RORC: variants seen among roughly 807,000 people sequenced by gnomAD.
The protein encoded by RORC is RAR related orphan receptor C.
In RORC, 13 loss-of-function variants were observed where a neutral mutation model predicts 64.5. That is an observed-to-expected ratio of 0.20 (90% confidence interval 0.13 to 0.32). The LOEUF (loss-of-function observed/expected upper bound fraction) is 0.32, where lower values mean the gene tolerates loss of function less well. Among genes scored for constraint, RORC ranks in the 10% least tolerant of loss-of-function variants. RORC has a pLI of 1.00. For synonymous variants in RORC, 277 were observed against 259.3 expected (o/e 1.07, Z -0.65); for missense variants, 468 against 669.5 (o/e 0.70, Z 3.32).
intron 1 of RORC, chr1:151,831,229 C>T (rs114103746): frequency 0.039 from 28,802 of 745,070 alleles, 661 homozygotes; most frequent in Non-Finnish European, 0.044. Context: ...CCCCCTGCCA[C>T]ACTCCCCAAG....
chr1:151,822,055 C>A (rs922467609), intron 2 of RORC, among the ~76,000 whole-genome samples: 23 of 152,080 alleles, frequency 1.5e-4, no homozygotes, highest in Admixed American at 1.1e-3. Context: ...TCTTGGTATG[C>A]CTCCCTTTGC....
intron 8 of RORC, 53 bp downstream of exon 8, chr1:151,813,186 T>C: frequency 1.3e-6 from 2 of 1,560,716 alleles, no homozygotes; most frequent in Admixed American, 3.3e-5. Flanking sequence ...GTCACAAAGC[T>C]TTGCCTGGGG....
chr1:151,814,474 C>T (rs1651667150), intron 6 of RORC, 100 bp downstream of exon 6: 2 of 1,320,416 alleles, frequency 1.5e-6, no homozygotes, highest in African/African-American at 1.5e-5. Flanking sequence ...TCTGTGATGT[C>T]CCGCCCTGCC....
At chr1:151,827,946 T>C in intron 2 of RORC, among the ~76,000 whole-genome samples, 1 of 133,830 alleles carries the variant, frequency 7.5e-6, no homozygotes. Context: ...CCACATAAGG[T>C]CCGTGACCCC....
chr1:151,814,700 G>C lies in RORC; in HGVS notation c.812-5C>G, dbSNP rs1472608254. ...AGACGCTCTGCACCAGGTGCTCTGG[G>C]GCCGGAGAAGGAAGGCATGGCTTGA... On this transcript the variant is annotated splice_region_variant and splice_polypyrimidine_tract_variant and intron_variant, in intron 5 of 10. Coordinates refer to ENST00000318247, the MANE Select transcript of RORC (RefSeq NM_005060.4). 2 of 1,602,712 alleles carry C rather than the reference G, an allele frequency of 1.2e-6. No homozygotes were observed. The highest frequency in any genetic ancestry group is 2.7e-5 in the African/African-American group (2 of 74,714).
intron 2 of RORC, among the ~76,000 whole-genome samples, chr1:151,825,533 A>G (rs1340144246): frequency 1.3e-5 from 2 of 150,570 alleles, no homozygotes; most frequent in Non-Finnish European, 3.0e-5. Context: ...ACACCGTAAC[A>G]AGGGAAACAC....
At position 151,815,095 on chromosome 1, in the gene RORC, T is replaced by C; in HGVS notation, c.629A>G (p.Lys210Arg). 2 of 1,614,232 alleles carry C rather than the reference T, an allele frequency of 1.2e-6. No individual in the cohort carries two copies. The highest frequency in any genetic ancestry group is 1.1e-5 in the South Asian group (1 of 91,090). ...CHLEYSPERGKAEGRESFYST... is the reference protein window; with the variant it reads ...CHLEYSPERGRAEGRESFYST... Reference sequence around the variant, plus strand: ...ATAGAAGCTCTCTCTGCCCTCAGCCTTGCCCCGCTCAGGGCTGTATTCAAG... The same window carrying C: ...ATAGAAGCTCTCTCTGCCCTCAGCCCTGCCCCGCTCAGGGCTGTATTCAAG... The change falls in exon 5 of 11, where the codon AAG (lysine) becomes AGG (arginine). Residue 210 changes from lysine (K) to arginine (R), a missense_variant. Physicochemically the swap from Lys to Arg is conservative, Grantham distance 26. Transcript: ENST00000318247.
chr1:151,817,505 A>C (rs888551028), intron 2 of RORC, among the ~76,000 whole-genome samples: 1 of 152,156 alleles, frequency 6.6e-6, no homozygotes, highest in Non-Finnish European at 1.5e-5. Context: ...GGGAGTGTGG[A>C]GGGGTGGCCG....
chr1:151,814,428 A>G lies in RORC; in HGVS notation c.933+146T>C, dbSNP rs957724471. The stretch of plus-strand genomic sequence containing the variant: ...CAGATACACACATTCGCAACTGTAC[A>G]TAAAAGGTGTGCACATGCTTGTTGG... On this transcript the variant is annotated intron_variant, in intron 6 of 10. Transcript: ENST00000318247. 19 of 754,766 alleles carry G rather than the reference A, an allele frequency of 2.5e-5. No individual in the cohort carries two copies. In the Admixed American group the frequency reaches 3.6e-4, roughly 14 times the overall value. 46.8% of individuals were successfully genotyped at this position (754,766 alleles called of 1,614,324 possible). A position where few individuals can be genotyped will look rare whatever the true frequency, so the allele number is the denominator to read the frequency against.
chr1:151,827,454 C>T (rs1041545119), intron 2 of RORC, among the ~76,000 whole-genome samples: 10 of 152,070 alleles, frequency 6.6e-5, no homozygotes, highest in South Asian at 2.1e-4. Flanking sequence ...TTGTGGGGTA[C>T]ATTGGCTTTG....
At chr1:151,810,382 T>C (rs1305019613) in intron 10 of RORC, among the ~76,000 whole-genome samples, 1 of 152,200 alleles carries the variant, frequency 6.6e-6, no homozygotes, top group Non-Finnish European at 1.5e-5. Flanking sequence ...CCCCAAATTA[T>C]TTTTAATCCC....
At chr1:151,808,925 G>A (rs565555350) in intron 10 of RORC, among the ~76,000 whole-genome samples, 13 of 152,282 alleles carry the variant, frequency 8.5e-5, no homozygotes, top group African/African-American at 2.9e-4. Context: ...AAAGCCCTGC[G>A]ACTGGGTTTG....
chr1:151,810,493 T>C (rs1259355975), intron 10 of RORC, among the ~76,000 whole-genome samples: 5 of 152,118 alleles, frequency 3.3e-5, no homozygotes, highest in African/African-American at 7.2e-5. Context: ...GATTCAATCT[T>C]GCATTTAAGT....
intron 10 of RORC, among the ~76,000 whole-genome samples, chr1:151,810,512 TCTC>T (rs1651480699): frequency 6.6e-6 from 1 of 151,006 alleles, no homozygotes; most frequent in Admixed American, 6.6e-5. Flanking sequence ...GTCACTGAAG[TCTC>T]CTGATAGCTA....
intron 2 of RORC, among the ~76,000 whole-genome samples, chr1:151,818,157 A>C (rs1411072140): frequency 6.6e-6 from 1 of 152,204 alleles, no homozygotes; most frequent in Non-Finnish European, 1.5e-5. Flanking sequence ...AGTTTGCCTG[A>C]GAGCTGGATC....
chr1:151,827,591 C>T (rs768102925), intron 2 of RORC, among the ~76,000 whole-genome samples: 40 of 151,826 alleles, frequency 2.6e-4, no homozygotes, highest in Non-Finnish European at 1.8e-4. Context: ...CAGAGTCTCT[C>T]GGCCTGGGGG....
In RORC at chr1:151,814,703, C is replaced by T. The variant is rs755681607; in HGVS notation, c.812-8G>A. 3.1e-5 allele frequency: 50 copies of T among 1,601,830 alleles called. No homozygotes were observed. Among genetic ancestry groups the T allele is most frequent in the African/African-American group, 5.4e-5 (4 of 74,686 alleles). ...CGCTCTGCACCAGGTGCTCTGGGGC[C>T]GGAGAAGGAAGGCATGGCTTGATCT... On this transcript the variant is annotated splice_region_variant and splice_polypyrimidine_tract_variant and intron_variant, in intron 5 of 10. Transcript: ENST00000318247.
intron 7 of RORC, 55 bp from the exon 8 acceptor site, chr1:151,813,401 A>T (rs1651617430): frequency 6.2e-7 from 1 of 1,608,598 alleles, no homozygotes; most frequent in African/African-American, 1.3e-5. Context: ...CCAGGATCTG[A>T]CTCTGTCCCC....
At chr1:151,829,255 C>G (rs750770369) in intron 2 of RORC, among the ~76,000 whole-genome samples, 174 bp downstream of exon 2, 37 of 152,114 alleles carry the variant, frequency 2.4e-4, no homozygotes, top group South Asian at 8.3e-4. Context: ...CTCATCTCCT[C>G]CCACTGCCCT....
Sources: allele counts gnomAD v4.1 joint callset (sites outside exome capture counted in the v4.1 genomes callset), GRCh38; gene constraint gnomAD v4.1.1; transcripts MANE v1.5; gene names NCBI Gene and HGNC (gene_info 2026-07-23, HGNC 2026-07-21).